Variants in EIF3H observed in about 807,000 individuals in gnomAD.
EIF3H encodes eukaryotic translation initiation factor 3 subunit H, also known as eIF-3-gamma.
EIF3H carries 26 observed loss-of-function variants against 44.2 expected under a neutral mutation model. The observed-to-expected ratio is 0.59, with a 90% CI of 0.43 to 0.82. The LOEUF (loss-of-function observed/expected upper bound fraction) is 0.82. Ranked by LOEUF, EIF3H falls within the 40% of genes least tolerant of loss-of-function variation. The pLI, the probability that EIF3H is intolerant of heterozygous loss-of-function variation, is 0.00. For missense variants in EIF3H, 359 were observed against 432.8 expected (o/e 0.83, Z 1.51); for synonymous variants, 166 against 151.9 (o/e 1.09, Z -0.68).
chr8:116,754,174 C>T (rs1170289613), intron 1 of EIF3H, among the ~76,000 whole-genome samples: 2 of 151,816 alleles, frequency 1.3e-5, no homozygotes, highest in African/African-American at 4.8e-5. Flanking sequence ...AGTGCAGTGG[C>T]ACAATCTCGG....
intron 1 of EIF3H, among the ~76,000 whole-genome samples, chr8:116,744,248 T>C (rs1815193961): frequency 6.8e-6 from 1 of 147,418 alleles, no homozygotes; most frequent in South Asian, 2.1e-4. Flanking sequence ...AGCCTCAAGA[T>C]ACAATAAACA....
At chr8:116,752,704 GA>G (rs1374224939) in intron 1 of EIF3H, among the ~76,000 whole-genome samples, 13 of 128,680 alleles carry the variant, frequency 1.0e-4, no homozygotes, top group Middle Eastern at 3.7e-3. Flanking sequence ...AAGAAAGAAA[GA>G]AAGAAAGAAA....
chr8:116,733,985 G>C (rs1814991274), intron 1 of EIF3H, among the ~76,000 whole-genome samples: 1 of 152,160 alleles, frequency 6.6e-6, no homozygotes. Context: ...AAAACAGATG[G>C]ATAATCGTAT....
intron 2 of EIF3H, among the ~76,000 whole-genome samples, chr8:116,716,241 C>A (rs1259818669): frequency 6.6e-6 from 1 of 152,208 alleles, no homozygotes; most frequent in East Asian, 1.9e-4. Flanking sequence ...CTATGTTGCA[C>A]AGCTCCAAAG....
intron 1 of EIF3H, among the ~76,000 whole-genome samples, chr8:116,752,722 A>AAGAAAGAAAGGG: frequency 9.0e-6 from 1 of 111,258 alleles, no homozygotes; most frequent in South Asian, 3.3e-4. Flanking sequence ...GAAAGAAAGA[A>AAGAAAGAAAGGG]AGAAAGAAAG....
chr8:116,659,865 G>A (rs1219309703), intron 2 of EIF3H, among the ~76,000 whole-genome samples: 4 of 151,972 alleles, frequency 2.6e-5, no homozygotes, highest in African/African-American at 9.7e-5. Flanking sequence ...CAACATAATA[G>A]CCATGCTATT....
rs374577511 is a variant in EIF3H at position 116,732,000 on chromosome 8, T to C, written c.133-5828A>G. The stretch of plus-strand genomic sequence containing the variant: ...TGATTAGGTCAGTTGTCTCTCAAAC[T>C]GTTTCCCAGATTTCTGAAGTTTACA... On this transcript the variant is annotated intron_variant, in intron 1 of 7. Coordinates refer to ENST00000521861, the MANE Select transcript of EIF3H (RefSeq NM_003756.3). 7.9e-5 allele frequency among the ~76,000 whole-genome samples: 12 copies of C among 152,330 alleles called. No homozygotes were observed. In the East Asian group the frequency reaches 1.7e-3, roughly 22 times the overall value.
Position 116,658,996 on chromosome 8 carries a change from G to A in EIF3H, c.290-16C>T, listed in dbSNP as rs1479535615. On this transcript the variant is annotated splice_polypyrimidine_tract_variant and intron_variant, in intron 2 of 7. Coordinates refer to ENST00000521861, the MANE Select transcript of EIF3H (RefSeq NM_003756.3). ...TGATATTGGACTGGATGATGGGGAA[G>A]AGGAAATTAAAAGAAAAAACTTTTT... 12 of 1,570,162 alleles carry A rather than the reference G, an allele frequency of 7.6e-6. No homozygotes were observed. The highest frequency in any genetic ancestry group is 9.5e-6 in the Non-Finnish European group (11 of 1,160,108).
At chr8:116,672,813 G>A (rs1310195374) in intron 2 of EIF3H, among the ~76,000 whole-genome samples, 1 of 151,828 alleles carries the variant, frequency 6.6e-6, no homozygotes, top group Non-Finnish European at 1.5e-5. Flanking sequence ...GGAGGAGGAG[G>A]CAGCTCAAGA....
intron 2 of EIF3H, among the ~76,000 whole-genome samples, chr8:116,678,544 C>T (rs1286825360): frequency 1.0e-3 from 150 of 144,950 alleles, no homozygotes; most frequent in Middle Eastern, 3.7e-3. Flanking sequence ...ATCTAGGAAG[C>T]GAGGAGCGCC....
intron 5 of EIF3H, among the ~76,000 whole-genome samples, chr8:116,651,960 T>C (rs1285610950): frequency 6.6e-6 from 1 of 151,974 alleles, no homozygotes; most frequent in Admixed American, 6.5e-5. Context: ...GAGGAAAAGG[T>C]CAAAAAACAG....
In EIF3H at chr8:116,643,777, T is replaced by C. The variant is rs971329450; in HGVS notation, c.*1229A>G. On this transcript the variant is annotated 3_prime_UTR_variant, in exon 8 of 8. Coordinates refer to ENST00000521861, the MANE Select transcript of EIF3H (RefSeq NM_003756.3). ...AATGAATTTCTCGACTCTCCTGATC[T>C]TTCACCCATCTCCTTTTTTGATAAC... is the stretch of plus-strand genomic sequence containing the variant. 6.6e-6 allele frequency: 1 copy of C among 152,162 alleles called. No individual in the cohort carries two copies. The highest frequency in any genetic ancestry group is 1.5e-5 in the Non-Finnish European group (1 of 68,042). The allele number at this position is 152,162 out of a possible 1,614,324, so 9.4% of individuals were successfully genotyped here.
intron 2 of EIF3H, among the ~76,000 whole-genome samples, chr8:116,713,670 A>G (rs530777451): frequency 6.6e-6 from 1 of 152,212 alleles, no homozygotes; most frequent in African/African-American, 2.4e-5. Context: ...CCAAACACAT[A>G]AAGTAAATTT....
At chr8:116,724,354 A>T (rs1814798601) in intron 2 of EIF3H, among the ~76,000 whole-genome samples, 1 of 152,166 alleles carries the variant, frequency 6.6e-6, no homozygotes, top group Admixed American at 6.5e-5. Context: ...TTCCTACCAA[A>T]AAACAGAGGA....
At chr8:116,752,786 AGGGAGGGAG>A (rs1563663252) in intron 1 of EIF3H, among the ~76,000 whole-genome samples, 2,029 of 63,404 alleles carry the variant, frequency 0.032, 181 homozygotes, top group African/African-American at 0.098. Flanking sequence ...GGAGGGAGGG[AGGGAGGGAG>A]GGAAGGAAGG....
upstream of EIF3H, chr8:116,755,856 C>T (rs1031160865): frequency 1.7e-5 from 27 of 1,599,784 alleles, no homozygotes; most frequent in Non-Finnish European, 2.1e-5. Context: ...AAGTACAAGT[C>T]TCGCGTGACG....
At chr8:116,672,404 C>A (rs1261227234) in intron 2 of EIF3H, among the ~76,000 whole-genome samples, 1 of 152,150 alleles carries the variant, frequency 6.6e-6, no homozygotes, top group South Asian at 2.1e-4. Context: ...GGCGGGAGGA[C>A]TGCTTGAAGC....
chr8:116,725,187 T>C (rs75855091), intron 2 of EIF3H, among the ~76,000 whole-genome samples: 1,912 of 152,288 alleles, frequency 0.013, 13 homozygotes, highest in African/African-American at 0.022. Flanking sequence ...ACTCACAAAA[T>C]AATAAATGCC....
intron 2 of EIF3H, among the ~76,000 whole-genome samples, chr8:116,674,257 T>G (rs1420311727): frequency 1.6e-4 from 20 of 127,850 alleles, no homozygotes; most frequent in African/African-American, 1.8e-4. Context: ...AGACATCATA[T>G]ATTAACAGAT....
Sources: gnomAD v4.1 joint callset for allele counts (sites outside exome capture counted in the v4.1 genomes callset) on GRCh38, gnomAD v4.1.1 for gene constraint, MANE v1.5 for transcripts, NCBI Gene and HGNC (gene_info 2026-07-23, HGNC 2026-07-21) for gene names.